Variants in SERTAD2 observed in about 807,000 individuals in gnomAD.
SERTAD2 encodes SERTA domain containing 2.
A neutral mutation model predicts 15.4 loss-of-function variants in SERTAD2; 2 were observed. That is an observed-to-expected ratio of 0.13 (90% CI 0.05 to 0.41). SERTAD2 has a LOEUF of 0.41. Ranked by LOEUF, SERTAD2 falls within the 10% of genes least tolerant of loss-of-function variation. The pLI is 0.99. For synonymous variants in SERTAD2, 180 were observed against 178.0 expected (o/e 1.01, Z -0.09); for missense variants, 333 against 409.7 (o/e 0.81, Z 1.62).
At chr2:64,638,752 G>A (rs147680407) in intron 1 of SERTAD2, among the ~76,000 whole-genome samples, 39 of 152,284 alleles carry the variant, frequency 2.6e-4, no homozygotes, top group African/African-American at 8.7e-4. Flanking sequence ...GTTCTTCAGG[G>A]CAATAAAGGT....
At chr2:64,636,984 AG>A (rs1440467043) in intron 1 of SERTAD2, 109 bp from the exon 2 acceptor site, 3 of 731,682 alleles carry the variant, frequency 4.1e-6, no homozygotes, top group Non-Finnish European at 6.7e-6. Context: ...TTTCCTGCCC[AG>A]GGTTATTTAC....
chr2:64,643,978 G>A lies in SERTAD2; in HGVS notation c.-4-7103C>T, dbSNP rs558074201. Among the ~76,000 whole-genome samples the A allele has an allele frequency of 8.7e-4, 133 of 152,344 alleles. 1 individual carries two copies. The highest frequency in any genetic ancestry group is 4.8e-3 in the South Asian group (23 of 4,830). On this transcript the variant is annotated intron_variant, in intron 1 of 1. Transcript: ENST00000313349. ...TGACCACTGGTTGCTGACAAGTCTA[G>A]AGGTGTCAATGCTAACGCTAAAACC...
chr2:64,638,989 CAT>C (rs1052859713), intron 1 of SERTAD2, among the ~76,000 whole-genome samples: 32 of 152,190 alleles, frequency 2.1e-4, no homozygotes, highest in African/African-American at 7.2e-4. Flanking sequence ...GGTTTTGAAA[CAT>C]AACTGTATTC....
chr2:64,644,093 G>A (rs1674842809), intron 1 of SERTAD2, among the ~76,000 whole-genome samples: 1 of 152,162 alleles, frequency 6.6e-6, no homozygotes. Context: ...AAGAAGTGTG[G>A]CGATTGTCTT....
At chr2:64,645,863 C>T (rs1288243075) in intron 1 of SERTAD2, among the ~76,000 whole-genome samples, 1 of 152,152 alleles carries the variant, frequency 6.6e-6, no homozygotes, top group African/African-American at 2.4e-5. Flanking sequence ...CACCAATTAC[C>T]TTCTTCCAAG....
At position 64,631,753 on chromosome 2, in the gene SERTAD2, A is replaced by G. The variant is rs2104332744; in HGVS notation, c.*4174T>C. ...TGTGAATACAGCCATCTGGGTTCCGATGTAACGTCTGTAATATTGCATAGA... is the reference window on the plus strand; with the variant it reads ...TGTGAATACAGCCATCTGGGTTCCGGTGTAACGTCTGTAATATTGCATAGA... On this transcript the variant is annotated 3_prime_UTR_variant, in exon 2 of 2. Transcript: ENST00000313349. The G allele has an allele frequency of 6.5e-6, 1 of 152,774 alleles. No homozygotes were observed. Among genetic ancestry groups the G allele is most frequent in the African/African-American group, 2.4e-5 (1 of 41,576 alleles). 9.5% of individuals were successfully genotyped at this position (152,774 alleles called of 1,614,324 possible). A position where few individuals can be genotyped will look rare whatever the true frequency, so the allele number is the denominator to read the frequency against.
intron 1 of SERTAD2, among the ~76,000 whole-genome samples, chr2:64,638,840 C>T (rs72894610): frequency 0.024 from 3,726 of 152,308 alleles, 147 homozygotes; most frequent in African/African-American, 0.081. Flanking sequence ...AAATTCTCAT[C>T]TGTGTATTTA....
At chr2:64,643,071 T>C (rs61373866) in intron 1 of SERTAD2, among the ~76,000 whole-genome samples, 2,986 of 152,216 alleles carry the variant, frequency 0.02, 81 homozygotes, top group African/African-American at 0.066. Context: ...GAATCAAAGA[T>C]TGAGTGGAGA....
At chr2:64,648,712 G>T (rs906389680) in intron 1 of SERTAD2, among the ~76,000 whole-genome samples, 1 of 152,042 alleles carries the variant, frequency 6.6e-6, no homozygotes, top group Non-Finnish European at 1.5e-5. Flanking sequence ...GTCTTCTGGA[G>T]CTTTAGAAGG....
At chr2:64,641,420 GT>G (rs1170648767) in intron 1 of SERTAD2, among the ~76,000 whole-genome samples, 1 of 152,212 alleles carries the variant, frequency 6.6e-6, no homozygotes, top group African/African-American at 2.4e-5. Context: ...CTATTTGAAA[GT>G]TACATTTAAG....
chr2:64,649,165 T>G (rs1573091997), intron 1 of SERTAD2, among the ~76,000 whole-genome samples: 1 of 152,350 alleles, frequency 6.6e-6, no homozygotes, highest in East Asian at 1.9e-4. Context: ...CCTGTTCTGG[T>G]GTAGAGATGA....
chr2:64,648,896 C>T (rs965610607), intron 1 of SERTAD2, among the ~76,000 whole-genome samples: 1 of 152,054 alleles, frequency 6.6e-6, no homozygotes, highest in Non-Finnish European at 1.5e-5. Flanking sequence ...AAGTTCCTGA[C>T]AAGCAGAGAG....
intron 1 of SERTAD2, among the ~76,000 whole-genome samples, chr2:64,639,486 G>A (rs866732816): frequency 2.0e-4 from 31 of 152,222 alleles, no homozygotes; most frequent in Non-Finnish European, 7.4e-5. Flanking sequence ...AGCACTGTCC[G>A]TAAGTGTAAA....
Position 64,635,730 on chromosome 2 carries a change from A to G in SERTAD2, c.*197T>C. ...AGTAGGTCTCTGAGGAACCACTCAA[A>G]AAAGTGTATTAAAAGTGGTCATACT... On this transcript the variant is annotated 3_prime_UTR_variant, in exon 2 of 2. Coordinates refer to ENST00000313349, the MANE Select transcript of SERTAD2 (RefSeq NM_014755.3). 1 of 552,390 alleles carries G rather than the reference A, an allele frequency of 1.8e-6. No individual in the cohort carries two copies. Among genetic ancestry groups the G allele is most frequent in the Non-Finnish European group, 3.2e-6 (1 of 308,910 alleles). The allele number at this position is 552,390 out of a possible 1,614,324, so 34.2% of individuals were successfully genotyped here. A position where few individuals can be genotyped will look rare whatever the true frequency, so the allele number is the denominator to read the frequency against.
At chr2:64,641,326 T>C (rs1674772700) in intron 1 of SERTAD2, among the ~76,000 whole-genome samples, 1 of 152,168 alleles carries the variant, frequency 6.6e-6, no homozygotes, top group Non-Finnish European at 1.5e-5. Context: ...AATTCCAGAA[T>C]CTGAGTGACT....
intron 1 of SERTAD2, among the ~76,000 whole-genome samples, chr2:64,646,176 A>G (rs1181282789): frequency 6.6e-6 from 1 of 152,162 alleles, no homozygotes; most frequent in Non-Finnish European, 1.5e-5. Context: ...CTGGCCATGT[A>G]GATGAAACAA....
At chr2:64,641,854 C>T (rs1674784512) in intron 1 of SERTAD2, among the ~76,000 whole-genome samples, 1 of 152,206 alleles carries the variant, frequency 6.6e-6, no homozygotes, top group Admixed American at 6.5e-5. Flanking sequence ...CACTTCTCAA[C>T]CACGGACAAG....
At chr2:64,636,961 A>C (rs1674676316) in intron 1 of SERTAD2, 86 bp from the exon 2 acceptor site, 2 of 974,572 alleles carry the variant, frequency 2.1e-6, no homozygotes, top group Admixed American at 4.7e-5. Context: ...AGAGGGCAGG[A>C]CTTGGACCTC....
At chr2:64,637,137 C>T (rs1354007923) in intron 1 of SERTAD2, among the ~76,000 whole-genome samples, 3 of 152,062 alleles carry the variant, frequency 2.0e-5, no homozygotes, top group African/African-American at 4.8e-5. Flanking sequence ...GAAATGTGTA[C>T]GACACAGACA....
Sources: allele counts gnomAD v4.1 joint callset (sites outside exome capture counted in the v4.1 genomes callset), GRCh38; gene constraint gnomAD v4.1.1; transcripts MANE v1.5; gene names NCBI Gene and HGNC (gene_info 2026-07-23, HGNC 2026-07-21).